Variants in WFS1 observed in about 807,000 individuals in gnomAD.
WFS1 encodes the protein wolframin ER transmembrane glycoprotein.
Under a neutral mutation model 68.5 loss-of-function variants are expected in WFS1, and 90 were observed. The observed-to-expected ratio is 1.31, with a 90% confidence interval of 1.11 to 1.56. WFS1 has a LOEUF of 1.56. Among genes scored for constraint, WFS1 ranks in the 40% most tolerant of loss-of-function variants. The pLI is 0.00. For synonymous variants in WFS1, 860 were observed against 540.7 expected (o/e 1.59, Z -8.19); for missense variants, 1,767 against 1,232.6 (o/e 1.43, Z -6.49).
intron 2 of WFS1, among the ~76,000 whole-genome samples, chr4:6,281,391 G>A (rs1475197940): frequency 2.6e-5 from 4 of 152,300 alleles, no homozygotes; most frequent in Admixed American, 2.6e-4. Context: ...GGGCCCTGAG[G>A]GTCAGGGAAA....
chr4:6,301,855 A>C lies in WFS1; in HGVS notation c.2060A>C (p.Gln687Pro). ...AWKETNMART[Q>P]ILCSHLEGHR... ...AAGGAGACCAACATGGCGCGCACCC[A>C]GATCCTCTGCAGCCACCTGGAGGGC... The change falls in exon 8 of 8, where the codon CAG becomes CCG. Residue 687 changes from glutamine (Q) to proline (P), a missense_variant. By Grantham distance (76) the Gln-to-Pro change is moderately conservative. Transcript: ENST00000226760. The C allele has an allele frequency of 6.2e-7, 1 of 1,613,028 alleles. No individual in the cohort carries two copies. The highest frequency in any genetic ancestry group is 8.5e-7 in the Non-Finnish European group (1 of 1,179,870).
intron 2 of WFS1, among the ~76,000 whole-genome samples, chr4:6,286,868 A>G (rs1047146955): frequency 6.6e-6 from 1 of 152,198 alleles, no homozygotes; most frequent in Admixed American, 6.5e-5. Context: ...CCTCACCCGC[A>G]TAGAGTTTGC....
rs748524765 is a variant in WFS1 at position 6,301,660 on chromosome 4, G to T, written c.1865G>T (p.Gly622Val). 3 of 1,613,964 alleles carry T rather than the reference G, an allele frequency of 1.9e-6. No individual in the cohort carries two copies. The highest frequency in any genetic ancestry group is 2.7e-5 in the African/African-American group (2 of 74,954). ...WWTKASFSVV[G>V]MVKSLTRSSM... Reference sequence around the variant, plus strand: ...ACCAAGGCCAGCTTCTCTGTGGTGGGGATGGTGAAGTCCCTGACGCGGAGC... The same window carrying T: ...ACCAAGGCCAGCTTCTCTGTGGTGGTGATGGTGAAGTCCCTGACGCGGAGC... Residue 622 changes from glycine (G) to valine (V), a missense_variant, in exon 8 of 8, where the codon GGG (glycine) becomes GTG (valine). Physicochemically the swap from Gly to Val is moderately radical, Grantham distance 109. Coordinates refer to ENST00000226760, the MANE Select transcript of WFS1 (RefSeq NM_006005.3).
intron 2 of WFS1, among the ~76,000 whole-genome samples, chr4:6,286,425 G>C (rs537009806): frequency 1.3e-5 from 2 of 152,306 alleles, no homozygotes; most frequent in South Asian, 4.2e-4. Flanking sequence ...TAGACACGGA[G>C]TCTGCAACAC....
At position 6,301,859 on chromosome 4, in the gene WFS1, C is replaced by G; in HGVS notation, c.2064C>G (p.Ile688Met). The G allele has an allele frequency of 1.2e-6, 2 of 1,613,022 alleles. No individual in the cohort carries two copies. Among genetic ancestry groups the G allele is most frequent in the Non-Finnish European group, 1.7e-6 (2 of 1,179,864 alleles). The change falls in exon 8 of 8, where the codon ATC (isoleucine) becomes ATG (methionine). Residue 688 changes from isoleucine (I) to methionine (M), a missense_variant. Physicochemically the swap from Ile to Met is conservative, Grantham distance 10. Transcript: ENST00000226760. ...WKETNMARTQILCSHLEGHRV... is the reference protein window; with the variant it reads ...WKETNMARTQMLCSHLEGHRV... ...AGACCAACATGGCGCGCACCCAGAT[C>G]CTCTGCAGCCACCTGGAGGGCCACA...
chr4:6,301,076 C>T lies in WFS1; in HGVS notation c.1281C>T (p.Ile427=), dbSNP rs753055225. The T allele has an allele frequency of 1.2e-5, 20 of 1,614,146 alleles. No individual in the cohort carries two copies. The highest frequency in any genetic ancestry group is 1.6e-5 in the Non-Finnish European group (19 of 1,180,038). Residue 427 remains isoleucine (I), a synonymous_variant, in exon 8 of 8, where the codon ATC becomes ATT. Transcript: ENST00000226760. The part of the protein sequence containing the change: ...FSFPIASKDC[I]PCSELAVITG... ...TCCCCATCGCCAGCAAGGACTGCAT[C>T]CCCTGCTCGGAGCTGGCTGTCATCA...
In WFS1 at chr4:6,302,141, A is replaced by C. The variant is rs766438791; in HGVS notation, c.2346A>C (p.Pro782=). 3 of 1,612,986 alleles carry C rather than the reference A, an allele frequency of 1.9e-6. No individual in the cohort carries two copies. Among genetic ancestry groups the C allele is most frequent in the East Asian group, 2.2e-5 (1 of 44,874 alleles). The change falls in exon 8 of 8, where the codon CCA becomes CCC. Residue 782 remains proline (P), a synonymous_variant. Coordinates refer to ENST00000226760, the MANE Select transcript of WFS1 (RefSeq NM_006005.3). ...RYKFEITVGM[P]FSSGADGSRS... Reference sequence around the variant, plus strand: ...AGTTTGAGATTACCGTGGGCATGCCATTCAGCAGCGGCGCTGACGGCTCGC... The same window carrying C: ...AGTTTGAGATTACCGTGGGCATGCCCTTCAGCAGCGGCGCTGACGGCTCGC...
At chr4:6,297,914 G>A (rs189488177) in intron 7 of WFS1, among the ~76,000 whole-genome samples, 1 of 152,278 alleles carries the variant, frequency 6.6e-6, no homozygotes, top group East Asian at 1.9e-4. Context: ...TCGAGTTCAG[G>A]TGGGGGACCA....
In WFS1 at chr4:6,301,977, G is replaced by T; in HGVS notation, c.2182G>T (p.Gly728Cys). ...SAINMLPFFI[G>C]DWMRCLYGEA... ...CATCAACATGCTCCCGTTCTTCATC[G>T]GCGACTGGATGCGCTGCCTCTACGG... The change falls in exon 8 of 8, where the codon GGC (glycine) becomes TGC (cysteine). Residue 728 changes from glycine (G) to cysteine (C), a missense_variant. Gly to Cys is a radical substitution (Grantham distance 159). Coordinates refer to ENST00000226760, the MANE Select transcript of WFS1 (RefSeq NM_006005.3). The T allele has an allele frequency of 1.2e-6, 2 of 1,612,698 alleles. No individual in the cohort carries two copies. The highest frequency in any genetic ancestry group is 1.7e-6 in the Non-Finnish European group (2 of 1,179,902).
At chr4:6,286,363 C>G (rs891760952) in intron 2 of WFS1, among the ~76,000 whole-genome samples, 1 of 152,182 alleles carries the variant, frequency 6.6e-6, no homozygotes, top group Non-Finnish European at 1.5e-5. Flanking sequence ...CTTGCCCCTT[C>G]CACCCTGTGA....
At chr4:6,299,592 G>A (rs1730776901) in intron 7 of WFS1, among the ~76,000 whole-genome samples, 1 of 56,774 alleles carries the variant, frequency 1.8e-5, no homozygotes. Flanking sequence ...TGTGTGTGTA[G>A]GGGTGGGTTT....
chr4:6,276,221 A>G (rs1284134436), intron 1 of WFS1, among the ~76,000 whole-genome samples: 1 of 151,916 alleles, frequency 6.6e-6, no homozygotes, highest in Non-Finnish European at 1.5e-5. Context: ...TTTGCATCCC[A>G]CCCCTAACGC....
intron 2 of WFS1, among the ~76,000 whole-genome samples, chr4:6,282,934 C>T (rs1370628191): frequency 3.3e-5 from 5 of 152,352 alleles, no homozygotes; most frequent in East Asian, 1.9e-4. Flanking sequence ...CTGGAATCCC[C>T]GTCTGCTCCC....
At chr4:6,297,916 G>A (rs947227524) in intron 7 of WFS1, among the ~76,000 whole-genome samples, 1 of 152,140 alleles carries the variant, frequency 6.6e-6, no homozygotes, top group South Asian at 2.1e-4. Flanking sequence ...GAGTTCAGGT[G>A]GGGGACCAGC....
Position 6,287,312 on chromosome 4 carries a change from A to C in WFS1, c.315+137A>C. The C allele has an allele frequency of 1.3e-6, 1 of 759,350 alleles. No individual in the cohort carries two copies. Among genetic ancestry groups the C allele is most frequent in the Non-Finnish European group, 2.3e-6 (1 of 440,308 alleles). 47.0% of individuals were successfully genotyped at this position (759,350 alleles called of 1,614,324 possible). A position where few individuals can be genotyped will look rare whatever the true frequency, so the allele number is the denominator to read the frequency against. On this transcript the variant is annotated intron_variant, in intron 3 of 7. Coordinates refer to ENST00000226760, the MANE Select transcript of WFS1 (RefSeq NM_006005.3). This position sits in a 1 kb window ranked among gnomAD's most constrained non-coding sequence, Gnocchi z 6.4. Reference sequence around the variant, plus strand: ...GAGCCAGCGTGGTGCACCCTACCCCACTTGAGCCCCATGTTGGTAGGGTGC... The same window carrying C: ...GAGCCAGCGTGGTGCACCCTACCCCCCTTGAGCCCCATGTTGGTAGGGTGC...
chr4:6,299,492 G>C (rs938710634), intron 7 of WFS1, among the ~76,000 whole-genome samples: 1 of 149,252 alleles, frequency 6.7e-6, no homozygotes, highest in Admixed American at 6.6e-5. Context: ...GGGTGTGCAC[G>C]TGTGTGTAGG....
At chr4:6,286,978 T>C in intron 2 of WFS1, 115 bp from the exon 3 acceptor site, 2 of 949,110 alleles carry the variant, frequency 2.1e-6, no homozygotes, top group Non-Finnish European at 3.3e-6. Context: ...CTGGCCTGGA[T>C]TTGAAAGTGA....
chr4:6,302,214 A>G lies in WFS1; in HGVS notation c.2419A>G (p.Ser807Gly). The G allele has an allele frequency of 6.2e-7, 1 of 1,611,090 alleles. No homozygotes were observed. The highest frequency in any genetic ancestry group is 8.5e-7 in the Non-Finnish European group (1 of 1,178,882). ...DVTKDIVLRASSEFKSVLLSL... is the reference protein window; with the variant it reads ...DVTKDIVLRAGSEFKSVLLSL... ...CACCAAGGACATCGTGCTGCGGGCC[A>G]GCAGCGAGTTCAAGAGCGTGCTGCT... Residue 807 changes from serine (S) to glycine (G), a missense_variant, in exon 8 of 8, where the codon AGC becomes GGC. Physicochemically the swap from Ser to Gly is moderately conservative, Grantham distance 56. Transcript: ENST00000226760.
chr4:6,301,706 G>A lies in WFS1; in HGVS notation c.1911G>A (p.Leu637=). ...GGAGCTCCATGGTCAAGCTCATCCTGGTGTGGCTCACGGCCATCGTGCTGT... is the reference window on the plus strand; with the variant it reads ...GGAGCTCCATGGTCAAGCTCATCCTAGTGTGGCTCACGGCCATCGTGCTGT... ...LTRSSMVKLI[L]VWLTAIVLFC... Residue 637 remains leucine, a synonymous_variant, in exon 8 of 8, where the codon CTG becomes CTA. Coordinates refer to ENST00000226760, the MANE Select transcript of WFS1 (RefSeq NM_006005.3). 2 of 1,614,100 alleles carry A rather than the reference G, an allele frequency of 1.2e-6. No individual in the cohort carries two copies. Among genetic ancestry groups the A allele is most frequent in the South Asian group, 2.2e-5 (2 of 91,088 alleles).
Sources: gnomAD v4.1 joint callset for allele counts (sites outside exome capture counted in the v4.1 genomes callset) on GRCh38, gnomAD v4.1.1 for gene constraint, Gnocchi (gnomAD v3.1) non-coding constraint, MANE v1.5 for transcripts, NCBI Gene and HGNC (gene_info 2026-07-23, HGNC 2026-07-21) for gene names.